DTHD1: variants seen among roughly 807,000 people sequenced by gnomAD.
DTHD1 encodes death domain containing 1.
In DTHD1, 59 loss-of-function variants were observed where a neutral mutation model predicts 74.8. That is an observed-to-expected ratio of 0.79 (90% CI 0.64 to 0.98). The LOEUF (loss-of-function observed/expected upper bound fraction) is 0.98. Ranked by LOEUF, DTHD1 falls within the 50% of genes least tolerant of loss-of-function variation. The pLI is 0.00. For missense variants in DTHD1, 1,051 were observed against 1,065.4 expected, an observed-to-expected ratio of 0.99 and a Z score of 0.19; for synonymous variants, 365 against 371.1, an observed-to-expected ratio of 0.98 and a Z score of 0.19.
chr4:36,297,107 GT>G (rs1466138455), intron 5 of DTHD1, among the ~76,000 whole-genome samples: 3 of 152,126 alleles, frequency 2.0e-5, no homozygotes, highest in Non-Finnish European at 2.9e-5. Flanking sequence ...AATCATCAAG[GT>G]TTTTATCCCT....
At position 36,308,421 on chromosome 4, in the gene DTHD1, C is replaced by T. The variant is rs1034205141; in HGVS notation, c.2023C>T (p.Pro675Ser). 1.0e-5 allele frequency: 16 copies of T among 1,551,718 alleles called. No individual in the cohort carries two copies. Among genetic ancestry groups the T allele is most frequent in the Non-Finnish European group, 1.3e-5 (15 of 1,147,036 alleles). The change falls in exon 7 of 10, where the codon CCA (proline) becomes TCA (serine). Residue 675 changes from proline (P) to serine (S), a missense_variant. Pro to Ser is a moderately conservative substitution (Grantham distance 74). Transcript: ENST00000639862. ...HLEGFGGPPE[P>S]SRHFQVREGE... ...GGAAGGGTTTGGAGGACCTCCAGAG[C>T]CATCTCGTCATTTCCAAGTTCGAGA...
Position 36,282,015 on chromosome 4 carries a change from G to A in DTHD1, c.257G>A (p.Cys86Tyr), listed in dbSNP as rs1755428808. Residue 86 changes from cysteine (C) to tyrosine (Y), a missense_variant, in exon 1 of 10, where the codon TGT becomes TAT. By Grantham distance (194) the Cys-to-Tyr change is radical. Coordinates refer to ENST00000639862, the MANE Select transcript of DTHD1 (RefSeq NM_001170700.3). ...LHVLLDKENQ[C>Y]VSRKEIITFI... The stretch of plus-strand genomic sequence containing the variant: ...GTGCTGCTTGACAAAGAGAATCAAT[G>A]TGTCTCGAGAAAAGGCAAGTATTCT... 1.3e-6 allele frequency: 2 copies of A among 1,524,818 alleles called. No individual in the cohort carries two copies. The highest frequency in any genetic ancestry group is 5.0e-5 in the East Asian group (2 of 40,142). 94.5% of individuals were successfully genotyped at this position (1,524,818 alleles called of 1,614,324 possible). A position where few individuals can be genotyped will look rare whatever the true frequency, so the allele number is the denominator to read the frequency against.
At chr4:36,294,236 G>A (rs1029208800) in intron 4 of DTHD1, among the ~76,000 whole-genome samples, 4 of 151,794 alleles carry the variant, frequency 2.6e-5, no homozygotes, top group Non-Finnish European at 4.4e-5. Flanking sequence ...TTCCCTGTTC[G>A]TCTACCCTCA....
intron 5 of DTHD1, among the ~76,000 whole-genome samples, chr4:36,297,684 C>T (rs558691202): frequency 6.6e-6 from 1 of 152,230 alleles, no homozygotes; most frequent in East Asian, 1.9e-4. Context: ...CAAGCTCCCT[C>T]CCTGTGCAGC....
intron 2 of DTHD1, among the ~76,000 whole-genome samples, chr4:36,285,224 G>T (rs573302135): frequency 1.3e-5 from 2 of 152,242 alleles, no homozygotes; most frequent in East Asian, 3.9e-4. Flanking sequence ...CAATTGTCCA[G>T]ATCATGAATA....
At chr4:36,282,112 G>C in intron 1 of DTHD1, 83 bp downstream of exon 1, 1 of 1,109,396 alleles carries the variant, frequency 9.0e-7, no homozygotes, top group Non-Finnish European at 1.2e-6. Flanking sequence ...GAGTATACCA[G>C]ATAGGCTAAG....
chr4:36,282,641 G>T (rs1257106515), intron 1 of DTHD1, among the ~76,000 whole-genome samples: 6 of 152,092 alleles, frequency 3.9e-5, no homozygotes, highest in Non-Finnish European at 5.9e-5. Context: ...GGAATCTGAT[G>T]AATATAATCC....
chr4:36,288,126 T>C (rs1186705490), intron 2 of DTHD1, among the ~76,000 whole-genome samples: 1 of 152,150 alleles, frequency 6.6e-6, no homozygotes, highest in Admixed American at 6.5e-5. Context: ...TGAGATGGAG[T>C]CTTGCTCTTT....
intron 8 of DTHD1, among the ~76,000 whole-genome samples, chr4:36,324,995 A>C (rs1287800729): frequency 3.9e-5 from 6 of 152,186 alleles, no homozygotes; most frequent in Non-Finnish European, 8.8e-5. Context: ...GAGAGATGGC[A>C]TGAGTAGAAA....
rs763208816 is a variant in DTHD1 at position 36,306,687 on chromosome 4, T to C, written c.1805+335T>C. 2.0e-5 allele frequency among the ~76,000 whole-genome samples: 3 copies of C among 152,242 alleles called. No individual in the cohort carries two copies. In the South Asian group the frequency reaches 6.2e-4, roughly 31 times the overall value. ...TGCATATCTCATAACTATGTATAGA[T>C]AAGCGGAATTTGTTACTTCAGTGCC... On this transcript the variant is annotated intron_variant, in intron 6 of 9. Coordinates refer to ENST00000639862, the MANE Select transcript of DTHD1 (RefSeq NM_001170700.3).
intron 7 of DTHD1, chr4:36,315,644 A>G (rs1757669565): frequency 6.6e-6 from 1 of 152,278 alleles, no homozygotes; most frequent in Non-Finnish European, 1.5e-5. Flanking sequence ...CAACGGGTGA[A>G]AATAATTTTC....
intron 2 of DTHD1, among the ~76,000 whole-genome samples, chr4:36,287,471 T>A (rs1365806451): frequency 6.6e-6 from 1 of 152,242 alleles, no homozygotes; most frequent in African/African-American, 2.4e-5. Context: ...CTTTTTCACA[T>A]AATGACTTCT....
At chr4:36,308,134 G>A in intron 6 of DTHD1, 70 bp from the exon 7 acceptor site, 1 of 1,386,062 alleles carries the variant, frequency 7.2e-7, no homozygotes, top group Non-Finnish European at 9.7e-7. Flanking sequence ...TTTCTTGGGT[G>A]TTATTAGATA....
At chr4:36,338,327 A>C (rs966423860) in intron 8 of DTHD1, among the ~76,000 whole-genome samples, 2 of 152,042 alleles carry the variant, frequency 1.3e-5, no homozygotes, top group African/African-American at 2.4e-5. Flanking sequence ...TGTAGTGTGG[A>C]TATTCTACAG....
chr4:36,334,384 A>G (rs1341134056), intron 8 of DTHD1, among the ~76,000 whole-genome samples: 1 of 140,514 alleles, frequency 7.1e-6, no homozygotes, highest in Non-Finnish European at 1.5e-5. Context: ...TTTCTTTCAG[A>G]GTCTCACTCT....
At chr4:36,296,773 C>T (rs1449622453) in intron 5 of DTHD1, among the ~76,000 whole-genome samples, 1 of 151,572 alleles carries the variant, frequency 6.6e-6, no homozygotes, top group Non-Finnish European at 1.5e-5. Flanking sequence ...AAGCTTAGTG[C>T]TTTTTCCAAT....
intron 5 of DTHD1, among the ~76,000 whole-genome samples, chr4:36,300,014 C>G (rs1376923142): frequency 6.6e-6 from 1 of 152,044 alleles, no homozygotes; most frequent in African/African-American, 2.4e-5. Context: ...CCCTAATTAT[C>G]TTTAGAGTTT....
At position 36,290,548 on chromosome 4, in the gene DTHD1, GA is replaced by G. The variant is rs1756014007; in HGVS notation, c.1067del (p.Lys356ArgfsTer7). On this transcript the variant is annotated frameshift_variant, in exon 3 of 10. Coordinates refer to ENST00000639862, the MANE Select transcript of DTHD1 (RefSeq NM_001170700.3). LOFTEE classifies it high-confidence loss of function. ...NVITIECSDKEKRVPFPIGIA... is the reference protein window; with the variant it reads ...NVITIECSDKXKRVPFPIGIA... The stretch of plus-strand genomic sequence containing the variant: ...CATAACTATTGAATGCTCAGATAAG[GA>G]AAAGAGAGTTCCATTTCCAATAGGC... 6.4e-7 allele frequency: 1 copy of G among 1,551,604 alleles called. No individual in the cohort carries two copies.
At chr4:36,287,761 T>G (rs1019734558) in intron 2 of DTHD1, among the ~76,000 whole-genome samples, 6 of 152,230 alleles carry the variant, frequency 3.9e-5, no homozygotes, top group African/African-American at 1.4e-4. Flanking sequence ...TTTCATATGT[T>G]TGTTGACCAT....
Sources: gnomAD v4.1 joint callset for allele counts (sites outside exome capture counted in the v4.1 genomes callset) on GRCh38, gnomAD v4.1.1 for gene constraint, MANE v1.5 for transcripts, NCBI Gene and HGNC (gene_info 2026-07-23, HGNC 2026-07-21) for gene names.